The following MYO3B variants were observed in gnomAD, a reference collection of about 807,000 sequenced individuals.
MYO3B encodes myosin-IIIb.
A neutral mutation model predicts 174.6 loss-of-function variants in MYO3B; 156 were observed. The observed-to-expected ratio is 0.89, with a 90% CI of 0.78 to 1.02. The LOEUF (loss-of-function observed/expected upper bound fraction) is 1.02. Ranked by LOEUF, MYO3B falls within the 50% of genes least tolerant of loss-of-function variation. MYO3B has a pLI of 0.00. For missense variants in MYO3B, 1,632 were observed against 1,639.4 expected (o/e 1.00, Z 0.08); for synonymous variants, 563 against 569.1 (o/e 0.99, Z 0.15).
chr2:170,458,402 T>C (rs1245370442), intron 23 of MYO3B, among the ~76,000 whole-genome samples: 3 of 152,232 alleles, frequency 2.0e-5, no homozygotes, highest in East Asian at 1.9e-4. Flanking sequence ...GGTTTGTCAA[T>C]AGCAATCACT....
At chr2:170,444,991 C>T (rs1473305962) in intron 23 of MYO3B, among the ~76,000 whole-genome samples, 1 of 152,154 alleles carries the variant, frequency 6.6e-6, no homozygotes, top group Non-Finnish European at 1.5e-5. Flanking sequence ...AAGTTGTGCT[C>T]TCTAAAGTTG....
chr2:170,457,003 T>C (rs563697769), intron 23 of MYO3B, among the ~76,000 whole-genome samples: 2 of 152,368 alleles, frequency 1.3e-5, no homozygotes, highest in East Asian at 3.9e-4. Flanking sequence ...TACTGAATAC[T>C]GTAGGCAATG....
At chr2:170,319,980 G>T (rs1163391792) in intron 7 of MYO3B, among the ~76,000 whole-genome samples, 2 of 152,172 alleles carry the variant, frequency 1.3e-5, no homozygotes, top group Admixed American at 1.3e-4. Context: ...AACAGAGGTT[G>T]AGAGAACTTG....
chr2:170,245,649 T>C (rs1456004293), intron 7 of MYO3B, among the ~76,000 whole-genome samples: 1 of 152,234 alleles, frequency 6.6e-6, no homozygotes, highest in East Asian at 1.9e-4. Flanking sequence ...TGAGCAACCA[T>C]GTTCTGCACT....
intron 7 of MYO3B, among the ~76,000 whole-genome samples, chr2:170,265,116 C>A (rs2093373194): frequency 6.6e-6 from 1 of 152,132 alleles, no homozygotes; most frequent in Admixed American, 6.5e-5. Flanking sequence ...CATAATGGCA[C>A]CCCATCTCTT....
At chr2:170,397,578 A>G (rs1011661427) in intron 16 of MYO3B, among the ~76,000 whole-genome samples, 2 of 152,248 alleles carry the variant, frequency 1.3e-5, no homozygotes, top group Non-Finnish European at 2.9e-5. Context: ...AACTTTCAAT[A>G]TAAAAATAGA....
At chr2:170,652,241 G>C in intron 34 of MYO3B, 87 bp downstream of exon 34, 3 of 1,229,362 alleles carry the variant, frequency 2.4e-6, no homozygotes, top group Non-Finnish European at 2.3e-6. Flanking sequence ...TTTCCAGAGA[G>C]GCTTCTAAAA....
intron 16 of MYO3B, among the ~76,000 whole-genome samples, chr2:170,395,510 A>G (rs1402908507): frequency 6.6e-6 from 1 of 152,180 alleles, no homozygotes; most frequent in Non-Finnish European, 1.5e-5. Context: ...ATAGATTATG[A>G]ATTGAGAGAG....
At chr2:170,547,363 C>A (rs2106215762) in intron 32 of MYO3B, among the ~76,000 whole-genome samples, 1 of 151,562 alleles carries the variant, frequency 6.6e-6, no homozygotes, top group Admixed American at 6.6e-5. Flanking sequence ...CCTAAACTGG[C>A]CCATGTGGTC....
At position 170,463,247 on chromosome 2, in the gene MYO3B, G is replaced by T. The variant is rs544940926; in HGVS notation, c.2731-121G>T. ...AATTCTCCCCACAGTATACACTATT[G>T]TGTCCTAAATACCATGGCCCCTCAG... On this transcript the variant is annotated intron_variant, in intron 23 of 34. Transcript: ENST00000408978. 1.1e-5 allele frequency: 8 copies of T among 704,622 alleles called. No individual in the cohort carries two copies. In the East Asian group the frequency reaches 2.1e-4, roughly 18 times the overall value. 43.6% of individuals were successfully genotyped at this position (704,622 alleles called of 1,614,324 possible).
intron 32 of MYO3B, among the ~76,000 whole-genome samples, chr2:170,599,965 A>C (rs1276353654): frequency 6.6e-6 from 1 of 152,158 alleles, no homozygotes; most frequent in Non-Finnish European, 1.5e-5. Context: ...AAAATTATTA[A>C]ATTCATAAGT....
chr2:170,417,049 C>T (rs1186275441), intron 22 of MYO3B, among the ~76,000 whole-genome samples: 2 of 152,060 alleles, frequency 1.3e-5, no homozygotes, highest in African/African-American at 4.8e-5. Context: ...GCATCTCAAT[C>T]TCCTGACCTC....
chr2:170,480,303 G>T (rs568344940), intron 25 of MYO3B, among the ~76,000 whole-genome samples: 14 of 152,050 alleles, frequency 9.2e-5, no homozygotes, highest in Non-Finnish European at 1.6e-4. Context: ...TATATCACAG[G>T]GGGAGGAATG....
intron 7 of MYO3B, among the ~76,000 whole-genome samples, chr2:170,317,972 T>C (rs2093787543): frequency 6.6e-6 from 1 of 152,208 alleles, no homozygotes; most frequent in South Asian, 2.1e-4. Context: ...CAAGAAAAAT[T>C]AGTTTATAAC....
At chr2:170,199,060 C>A (rs2105335037) in intron 1 of MYO3B, 148 bp from the exon 2 acceptor site, 3 of 551,952 alleles carry the variant, frequency 5.4e-6, no homozygotes, top group African/African-American at 1.9e-5. Flanking sequence ...GGTCCAAGTT[C>A]TTTTTCAAAA....
chr2:170,590,934 A>G (rs979794629), intron 32 of MYO3B, among the ~76,000 whole-genome samples: 2 of 152,184 alleles, frequency 1.3e-5, no homozygotes, highest in Non-Finnish European at 2.9e-5. Flanking sequence ...GGGATCTTAG[A>G]GTCAATTACC....
chr2:170,289,051 G>T (rs2093577420), intron 7 of MYO3B, among the ~76,000 whole-genome samples: 1 of 152,008 alleles, frequency 6.6e-6, no homozygotes, highest in Non-Finnish European at 1.5e-5. Context: ...CATTTCTGGG[G>T]TGAATCCCAC....
chr2:170,517,875 G>A (rs766271217), intron 29 of MYO3B, among the ~76,000 whole-genome samples: 1 of 151,882 alleles, frequency 6.6e-6, no homozygotes, highest in Non-Finnish European at 1.5e-5. Context: ...AGAAAAGGCA[G>A]TGGGGGAAGG....
intron 32 of MYO3B, among the ~76,000 whole-genome samples, chr2:170,561,619 A>G (rs1254778246): frequency 6.6e-6 from 1 of 152,242 alleles, no homozygotes; most frequent in Non-Finnish European, 1.5e-5. Flanking sequence ...GAATTCTTGT[A>G]CTAATGAGAG....
Sources: allele counts gnomAD v4.1 joint callset (sites outside exome capture counted in the v4.1 genomes callset), GRCh38; gene constraint gnomAD v4.1.1; transcripts MANE v1.5; gene names NCBI Gene and HGNC (gene_info 2026-07-23, HGNC 2026-07-21).